The following SHISA9 variants were observed in gnomAD, a reference collection of about 807,000 sequenced individuals.
SHISA9 encodes the protein protein shisa-9.
Under a neutral mutation model 38.0 loss-of-function variants are expected in SHISA9, and 13 were observed. The observed-to-expected ratio is 0.34, with a 90% CI of 0.22 to 0.54. The LOEUF is 0.54. Among genes scored for constraint, SHISA9 ranks in the 20% least tolerant of loss-of-function variants. The pLI is 0.91. For missense variants in SHISA9, 538 were observed against 575.8 expected (o/e 0.93, Z 0.67); for synonymous variants, 275 against 242.0 (o/e 1.14, Z -1.27).
At chr16:13,023,649 A>G (rs887196175) in intron 2 of SHISA9, among the ~76,000 whole-genome samples, 4 of 152,198 alleles carry the variant, frequency 2.6e-5, no homozygotes, top group South Asian at 2.1e-4. Flanking sequence ...GTGTAAAAGT[A>G]TTCCTATTTC....
At chr16:13,519,124 A>C in the SHISA9 span, among the ~76,000 whole-genome samples, 1 of 152,202 alleles carries the variant, frequency 6.6e-6, no homozygotes, top group Non-Finnish European at 1.5e-5. Flanking sequence ...AAACCTCTAA[A>C]TTTTTCAAAA....
the SHISA9 span, among the ~76,000 whole-genome samples, chr16:13,479,208 C>T: frequency 6.6e-6 from 1 of 152,172 alleles, no homozygotes; most frequent in East Asian, 1.9e-4. Context: ...TCCAGCTTCC[C>T]TCTTTTAAGG....
chr16:13,080,524 G>A (rs1443061414), intron 2 of SHISA9, among the ~76,000 whole-genome samples: 1 of 152,208 alleles, frequency 6.6e-6, no homozygotes, highest in Non-Finnish European at 1.5e-5. Context: ...AAGGGAGAAT[G>A]AGACTTGATA....
chr16:13,051,930 A>G (rs1372064755), intron 2 of SHISA9, among the ~76,000 whole-genome samples: 1 of 151,976 alleles, frequency 6.6e-6, no homozygotes, highest in Non-Finnish European at 1.5e-5. Flanking sequence ...ACACTCTTCT[A>G]ATTTTTGTAT....
downstream of SHISA9, among the ~76,000 whole-genome samples, chr16:13,242,607 T>C (rs2051443402): frequency 6.6e-6 from 1 of 152,234 alleles, no homozygotes; most frequent in Non-Finnish European, 1.5e-5. Flanking sequence ...GAGACTTGGC[T>C]GGTGGTATTT....
intron 2 of SHISA9, among the ~76,000 whole-genome samples, chr16:12,955,960 G>A (rs1404396559): frequency 6.6e-6 from 1 of 152,142 alleles, no homozygotes; most frequent in African/African-American, 2.4e-5. Flanking sequence ...AATCAACAGA[G>A]TACACAGACA....
chr16:13,262,658 A>AAGGGAGGGAGGG, the SHISA9 span, among the ~76,000 whole-genome samples: 8 of 51,870 alleles, frequency 1.5e-4, no homozygotes, highest in South Asian at 7.2e-4. Flanking sequence ...GGAAGGAAGG[A>AAGGGAGGGAGGG]AGGAAGGAAG....
the SHISA9 span, among the ~76,000 whole-genome samples, chr16:13,522,528 C>T: frequency 6.6e-6 from 1 of 152,062 alleles, no homozygotes; most frequent in Non-Finnish European, 1.5e-5. Flanking sequence ...CCTAGTTTGA[C>T]CTGGAGGCCA....
At chr16:13,401,518 T>C in the SHISA9 span, among the ~76,000 whole-genome samples, 1 of 151,378 alleles carries the variant, frequency 6.6e-6, no homozygotes, top group Non-Finnish European at 1.5e-5. Context: ...TTTGAACATA[T>C]GGTCTGTGAG....
chr16:12,975,656 C>CAG (rs746283484), intron 2 of SHISA9, among the ~76,000 whole-genome samples: 11 of 109,496 alleles, frequency 1.0e-4, no homozygotes, highest in African/African-American at 3.7e-4. Flanking sequence ...GGGACGGGGG[C>CAG]GGGGGGGGTA....
chr16:13,499,755 A>G, the SHISA9 span, among the ~76,000 whole-genome samples: 2 of 152,202 alleles, frequency 1.3e-5, no homozygotes, highest in Non-Finnish European at 2.9e-5. Flanking sequence ...ATATGAGTGC[A>G]AACCCACGAA....
the SHISA9 span, among the ~76,000 whole-genome samples, chr16:13,321,486 C>T: frequency 1.3e-5 from 2 of 152,164 alleles, no homozygotes; most frequent in East Asian, 1.9e-4. Flanking sequence ...AATACAGCCA[C>T]CCTTGGGAAG....
At chr16:13,339,452 T>A in the SHISA9 span, among the ~76,000 whole-genome samples, 3 of 152,292 alleles carry the variant, frequency 2.0e-5, no homozygotes, top group South Asian at 2.1e-4. Context: ...CTTAAATAAC[T>A]AATTTATCTC....
At chr16:13,367,239 G>A in the SHISA9 span, among the ~76,000 whole-genome samples, 2 of 150,580 alleles carry the variant, frequency 1.3e-5, no homozygotes, top group Non-Finnish European at 3.0e-5. Context: ...ACTACCATAT[G>A]CTGAGGGCTT....
At chr16:13,328,591 TACACACACACACAC>T in the SHISA9 span, among the ~76,000 whole-genome samples, 251 of 139,958 alleles carry the variant, frequency 1.8e-3, 2 homozygotes, top group Middle Eastern at 0.011. Context: ...TATATGTGTA[TACACACACACACAC>T]ACACACACAC....
the SHISA9 span, among the ~76,000 whole-genome samples, chr16:13,367,712 G>GCGCGCA: frequency 1.2e-3 from 121 of 104,678 alleles, no homozygotes; most frequent in South Asian, 7.7e-3. Context: ...GCGCGCGCGC[G>GCGCGCA]CACACACACA....
At chr16:13,387,488 AT>A in the SHISA9 span, among the ~76,000 whole-genome samples, 18,852 of 143,168 alleles carry the variant, frequency 0.13, 1,198 homozygotes, top group South Asian at 0.22. Flanking sequence ...CCCCTAGAGG[AT>A]TTTTTTTTTT....
chr16:13,474,481 GCA>G, the SHISA9 span: 1 of 152,212 alleles, frequency 6.6e-6, no homozygotes, highest in Admixed American at 6.5e-5. Context: ...ACAGTAAGAT[GCA>G]GGGATTGATA....
chr16:12,934,023 G>T (rs200747898), intron 2 of SHISA9, among the ~76,000 whole-genome samples: 71 of 152,184 alleles, frequency 4.7e-4, no homozygotes, highest in African/African-American at 1.6e-3. Context: ...AGTGAAGAGT[G>T]GGGGGAAAGG....
Sources: gnomAD v4.1 joint callset for allele counts (sites outside exome capture counted in the v4.1 genomes callset) on GRCh38, gnomAD v4.1.1 for gene constraint, MANE v1.5 for transcripts, NCBI Gene and HGNC (gene_info 2026-07-23, HGNC 2026-07-21) for gene names.